The following UGDH variants were observed in gnomAD, a reference collection of about 807,000 sequenced individuals.
UGDH encodes UDP-Glc dehydrogenase.
UGDH carries 38 observed loss-of-function variants against 50.6 expected under a neutral mutation model. The ratio of observed to expected loss-of-function variants is 0.75; its 90% CI spans 0.58 to 0.98. The LOEUF is 0.98. UGDH is among the 50% of genes least tolerant of loss of function. The pLI, the probability that UGDH is intolerant of heterozygous loss-of-function variation, is 0.00. For synonymous variants in UGDH, 168 were observed against 199.9 expected, an observed-to-expected ratio of 0.84 and a Z score of 1.35; for missense variants, 465 against 606.2, an observed-to-expected ratio of 0.77 and a Z score of 2.45.
At chr4:39,512,024 A>AG (rs1224570402) in intron 3 of UGDH, among the ~76,000 whole-genome samples, 2 of 91,044 alleles carry the variant, frequency 2.2e-5, no homozygotes, top group Non-Finnish European at 5.4e-5. Context: ...ACTTTCATTT[A>AG]GAAAAAAAAA....
Position 39,509,749 on chromosome 4 carries a change from T to C in UGDH, c.811+11A>G. Reference sequence around the variant, plus strand: ...ACTAGCTCTTTCTACTAGAGAAAAATTTGAATTTACCAACACTGGCTTTTA... The same window carrying C: ...ACTAGCTCTTTCTACTAGAGAAAAACTTGAATTTACCAACACTGGCTTTTA... On this transcript the variant is annotated intron_variant, in intron 6 of 11. Coordinates refer to ENST00000316423, the MANE Select transcript of UGDH (RefSeq NM_003359.4). The C allele has an allele frequency of 6.3e-7, 1 of 1,597,598 alleles. No homozygotes were observed. The highest frequency in any genetic ancestry group is 8.5e-7 in the Non-Finnish European group (1 of 1,175,886).
At position 39,514,100 on chromosome 4, in the gene UGDH, C is replaced by G. The variant is rs777181206; in HGVS notation, c.247G>C (p.Asp83His). 6.3e-7 allele frequency: 1 copy of G among 1,589,542 alleles called. No homozygotes were observed. The highest frequency in any genetic ancestry group is 8.5e-7 in the Non-Finnish European group (1 of 1,172,494). The change falls in exon 3 of 12, where the codon GAT (aspartate) becomes CAT (histidine). Residue 83 changes from aspartate to histidine, a missense_variant. Coordinates refer to ENST00000316423, the MANE Select transcript of UGDH (RefSeq NM_003359.4). ...ATACTTACAGAAATAAATACAAGAT[C>G]AGCTTCTTTGATGGCATCATCAATA... ...TNIDDAIKEA[D>H]LVFISVNTPT...
intron 1 of UGDH, among the ~76,000 whole-genome samples, chr4:39,524,711 G>T (rs1164071146): frequency 6.6e-6 from 1 of 152,136 alleles, no homozygotes; most frequent in African/African-American, 2.4e-5. Flanking sequence ...TTTTCACCAT[G>T]TGGGCCAGGC....
intron 2 of UGDH, among the ~76,000 whole-genome samples, chr4:39,514,686 A>T (rs1746376574): frequency 7.0e-6 from 1 of 143,130 alleles, no homozygotes; most frequent in East Asian, 2.0e-4. Context: ...ATTTTATTTT[A>T]TTTTATTTTT....
chr4:39,522,578 A>G (rs1407293763), intron 1 of UGDH, among the ~76,000 whole-genome samples: 6 of 152,222 alleles, frequency 3.9e-5, no homozygotes. Context: ...TTGAATCTGT[A>G]TTAAACAATA....
At chr4:39,512,662 A>AT (rs139664185) in intron 3 of UGDH, among the ~76,000 whole-genome samples, 5,342 of 152,006 alleles carry the variant, frequency 0.035, 233 homozygotes, top group East Asian at 0.25. Context: ...TAACTCATTG[A>AT]TTTTTTCCAG....
At chr4:39,503,712 A>G (rs1745914998) in intron 11 of UGDH, among the ~76,000 whole-genome samples, 163 bp downstream of exon 11, 1 of 152,258 alleles carries the variant, frequency 6.6e-6, no homozygotes, top group South Asian at 2.1e-4. Context: ...GTTCCCCAAA[A>G]GAACTTCCCT....
chr4:39,506,350 G>A (rs577303004), intron 7 of UGDH, among the ~76,000 whole-genome samples: 1 of 151,854 alleles, frequency 6.6e-6, no homozygotes, highest in Non-Finnish European at 1.5e-5. Context: ...AATTCTAAGC[G>A]CATTTGAGGT....
intron 8 of UGDH, 22 bp downstream of exon 8, chr4:39,505,596 A>G (rs1215802972): frequency 6.4e-7 from 1 of 1,570,040 alleles, no homozygotes. Context: ...AAAAGGGTTG[A>G]AATATTTTTA....
chr4:39,514,126 T>C lies in UGDH; in HGVS notation c.221A>G (p.Asn74Ser), dbSNP rs775776023. The C allele has an allele frequency of 3.2e-6, 5 of 1,585,892 alleles. No homozygotes were observed. Among genetic ancestry groups the C allele is most frequent in the South Asian group, 2.3e-5 (2 of 85,494 alleles). The change falls in exon 3 of 12, where the codon AAT becomes AGT. Residue 74 changes from asparagine (N) to serine (S), a missense_variant. By Grantham distance (46) the Asn-to-Ser change is conservative. Transcript: ENST00000316423. ...AGCTTCTTTGATGGCATCATCAATA[T>C]TGGTAGAAAAAAAAAGATTTTTTCC... ...CRGKNLFFSTNIDDAIKEADL... is the reference protein window; with the variant it reads ...CRGKNLFFSTSIDDAIKEADL...
chr4:39,513,508 C>T (rs1746321838), intron 3 of UGDH, among the ~76,000 whole-genome samples: 1 of 148,596 alleles, frequency 6.7e-6, no homozygotes, highest in African/African-American at 2.5e-5. Context: ...CATGTGCTCT[C>T]ATGTTACCAG....
Position 39,510,792 on chromosome 4 carries a change from A to C in UGDH, c.334T>G (p.Cys112Gly). Reference protein sequence around the residue: ...RAADLKYIEACARRIVQNSNG... With the variant: ...RAADLKYIEAGARRIVQNSNG... ...GAGTTTTGCACAATGCGTCTAGCAC[A>C]AGCTTCAATATACTTCAGATCTGCT... Residue 112 changes from cysteine (C) to glycine (G), a missense_variant, in exon 4 of 12, where the codon TGT (cysteine) becomes GGT (glycine). Coordinates refer to ENST00000316423, the MANE Select transcript of UGDH (RefSeq NM_003359.4). The C allele has an allele frequency of 6.2e-7, 1 of 1,614,210 alleles. No homozygotes were observed. Among genetic ancestry groups the C allele is most frequent in the Non-Finnish European group, 8.5e-7 (1 of 1,180,038 alleles).
chr4:39,505,128 G>C, intron 9 of UGDH, 109 bp downstream of exon 9: 1 of 1,068,782 alleles, frequency 9.4e-7, no homozygotes, highest in East Asian at 2.7e-5. Flanking sequence ...AGGTTGAAAA[G>C]AGGGCCTACC....
intron 3 of UGDH, among the ~76,000 whole-genome samples, chr4:39,513,531 C>CTTTTTTTTTTTTTT (rs10707997): frequency 1.1e-5 from 1 of 88,008 alleles, no homozygotes; most frequent in Non-Finnish European, 2.1e-5. Context: ...TTTCCTAGTT[C>CTTTTTTTTTTTTTT]TTTTTTTTTT....
intron 2 of UGDH, among the ~76,000 whole-genome samples, chr4:39,514,842 TGGG>T (rs1358152690): frequency 1.3e-5 from 2 of 151,736 alleles, no homozygotes; most frequent in East Asian, 1.9e-4. Context: ...ACCACCACAC[TGGG>T]CTAATTTTGT....
At chr4:39,505,148 C>A (rs1227049275) in intron 9 of UGDH, 89 bp downstream of exon 9, 10 of 1,316,180 alleles carry the variant, frequency 7.6e-6, no homozygotes, top group Non-Finnish European at 9.3e-6. Flanking sequence ...CAATGATATA[C>A]ATGATAAAAC....
At position 39,527,435 on chromosome 4, in the gene UGDH, T is replaced by C. The variant is rs556526529; in HGVS notation, c.-160A>G. ...GCCCCTCCCTCAGGCTGCCACGCGTTACACTCTGAGTCCCGGGCCTGAGCC... is the reference window on the plus strand; with the variant it reads ...GCCCCTCCCTCAGGCTGCCACGCGTCACACTCTGAGTCCCGGGCCTGAGCC... On this transcript the variant is annotated 5_prime_UTR_variant, in exon 1 of 12. Coordinates refer to ENST00000316423, the MANE Select transcript of UGDH (RefSeq NM_003359.4). 3.4e-5 allele frequency: 8 copies of C among 232,550 alleles called. No individual in the cohort carries two copies. The highest frequency in any genetic ancestry group is 3.3e-4 in the South Asian group (7 of 21,240). The allele number at this position is 232,550 out of a possible 1,614,324, so 14.4% of individuals were successfully genotyped here. A position where few individuals can be genotyped will look rare whatever the true frequency, so the allele number is the denominator to read the frequency against.
intron 2 of UGDH, among the ~76,000 whole-genome samples, chr4:39,519,605 C>T (rs992811214): frequency 8.5e-5 from 13 of 152,100 alleles, no homozygotes; most frequent in African/African-American, 3.1e-4. Context: ...ATGGCGTGAT[C>T]TCGGCTCACT....
At chr4:39,523,603 A>G (rs1329874119) in intron 1 of UGDH, among the ~76,000 whole-genome samples, 1 of 152,076 alleles carries the variant, frequency 6.6e-6, no homozygotes, top group Non-Finnish European at 1.5e-5. Flanking sequence ...TCAGGAGTTC[A>G]AGACCAGCCT....
Sources: allele counts gnomAD v4.1 joint callset (sites outside exome capture counted in the v4.1 genomes callset), GRCh38; gene constraint gnomAD v4.1.1; transcripts MANE v1.5; gene names NCBI Gene and HGNC (gene_info 2026-07-23, HGNC 2026-07-21).